Variants in TRABD2B observed in about 807,000 individuals in gnomAD.
TRABD2B encodes the protein metalloprotease TIKI2.
Under a neutral mutation model 40.1 loss-of-function variants are expected in TRABD2B, and 14 were observed. That is an observed-to-expected ratio of 0.35 (90% confidence interval 0.23 to 0.55). The LOEUF (loss-of-function observed/expected upper bound fraction) is 0.55. TRABD2B is among the 20% of genes least tolerant of loss of function. The pLI is 0.90. For synonymous variants in TRABD2B, 263 were observed against 277.0 expected (o/e 0.95, Z 0.50); for missense variants, 541 against 648.6 (o/e 0.83, Z 1.80).
chr1:47,885,546 G>T (rs1456720063), intron 2 of TRABD2B, among the ~76,000 whole-genome samples: 1 of 152,276 alleles, frequency 6.6e-6, no homozygotes, highest in Non-Finnish European at 1.5e-5. Context: ...GTCCTCTGTT[G>T]GTGGCAGGGG....
chr1:47,798,572 A>G (rs1373306540), intron 3 of TRABD2B, among the ~76,000 whole-genome samples: 1 of 152,104 alleles, frequency 6.6e-6, no homozygotes, highest in East Asian at 1.9e-4. Context: ...AGTGTTATCC[A>G]CCCAGGCCTG....
Position 47,996,898 on chromosome 1 carries a change from C to G in TRABD2B, c.-109G>C. The G allele has an allele frequency of 8.9e-7, 1 of 1,127,604 alleles. No individual in the cohort carries two copies. The highest frequency in any genetic ancestry group is 1.1e-6 in the Non-Finnish European group (1 of 922,048). 69.8% of individuals were successfully genotyped at this position (1,127,604 alleles called of 1,614,324 possible). On this transcript the variant is annotated 5_prime_UTR_variant, in exon 1 of 7. Transcript: ENST00000606738. The surrounding 1 kb of genome is among the most constrained non-coding windows in gnomAD (Gnocchi z 4.6). Reference sequence around the variant, plus strand: ...TTCCTCTGGAGCACGGGGCTCCAGCCGCAGGATGCTGGGCGCCCTCTGGGG... The same window carrying G: ...TTCCTCTGGAGCACGGGGCTCCAGCGGCAGGATGCTGGGCGCCCTCTGGGG...
At position 47,997,021 on chromosome 1, in the gene TRABD2B, G is replaced by A. The variant is rs1646103427; in HGVS notation, c.-232C>T. On this transcript the variant is annotated 5_prime_UTR_variant, in exon 1 of 7. Coordinates refer to ENST00000606738, the MANE Select transcript of TRABD2B (RefSeq NM_001194986.2). ...CTCTAGGGCTGGGCCCCTCCCCCGGGCGCTCAACCTCGCTGGCCGAGCCCC... is the reference window on the plus strand; with the variant it reads ...CTCTAGGGCTGGGCCCCTCCCCCGGACGCTCAACCTCGCTGGCCGAGCCCC... The A allele has an allele frequency of 9.3e-7, 1 of 1,074,060 alleles. No individual in the cohort carries two copies. Among genetic ancestry groups the A allele is most frequent in the Admixed American group, 5.3e-5 (1 of 18,782 alleles). 66.5% of individuals were successfully genotyped at this position (1,074,060 alleles called of 1,614,324 possible).
At chr1:47,884,617 T>G (rs1013769548) in intron 2 of TRABD2B, among the ~76,000 whole-genome samples, 1 of 152,124 alleles carries the variant, frequency 6.6e-6, no homozygotes, top group Non-Finnish European at 1.5e-5. Context: ...TTTATTTATT[T>G]TATTTTTATT....
intron 2 of TRABD2B, among the ~76,000 whole-genome samples, chr1:47,841,566 C>G (rs970483265): frequency 6.6e-6 from 1 of 152,160 alleles, no homozygotes; most frequent in Non-Finnish European, 1.5e-5. Flanking sequence ...TGGGGAGTTA[C>G]ACTGCCGAGG....
At chr1:47,822,170 A>AG (rs1645120296) in intron 2 of TRABD2B, among the ~76,000 whole-genome samples, 12 of 151,452 alleles carry the variant, frequency 7.9e-5, no homozygotes, top group Admixed American at 1.3e-4. Flanking sequence ...ACACACACAA[A>AG]CACACATACA....
rs758885728 is a variant in TRABD2B, at chr1:47,994,458, C to T, written c.242G>A (p.Arg81His). 52 of 1,536,048 alleles carry T rather than the reference C, an allele frequency of 3.4e-5. No homozygotes were observed. The Middle Eastern group carries it at 1.2e-3, about 34-fold the overall frequency. Residue 81 changes from arginine to histidine, a missense_variant, in exon 2 of 7, where the codon CGT (arginine) becomes CAT (histidine). Arg to His is a conservative substitution (Grantham distance 29, BLOSUM62 0). Coordinates refer to ENST00000606738, the MANE Select transcript of TRABD2B (RefSeq NM_001194986.2). This position sits in a 1 kb window ranked among gnomAD's most constrained non-coding sequence, Gnocchi z 6.7. ...TGTAAGGTCCAGCTCAAAGTAGACA[C>T]GGGTGCTAGCCTGGAAGGCTGCCTT... is the stretch of plus-strand genomic sequence containing the variant. Reference protein sequence around the residue: ...NSKAAFQASTRVYFELDLTDP... With the variant: ...NSKAAFQASTHVYFELDLTDP...
intron 2 of TRABD2B, among the ~76,000 whole-genome samples, chr1:47,879,887 C>T (rs751367483): frequency 6.6e-6 from 1 of 152,222 alleles, no homozygotes; most frequent in Non-Finnish European, 1.5e-5. Flanking sequence ...GAGGCCACCC[C>T]TGCCAGGCTG....
intron 2 of TRABD2B, among the ~76,000 whole-genome samples, chr1:47,857,286 T>G (rs1292941764): frequency 1.3e-5 from 2 of 152,164 alleles, no homozygotes; most frequent in African/African-American, 4.8e-5. Flanking sequence ...TCCCCCTTCC[T>G]GAAGCCACTC....
intron 2 of TRABD2B, among the ~76,000 whole-genome samples, chr1:47,971,040 T>C (rs982038439): frequency 6.6e-6 from 1 of 152,146 alleles, no homozygotes; most frequent in African/African-American, 2.4e-5. Context: ...AGTGAATATG[T>C]TTGAACAATA....
chr1:47,875,959 C>T (rs1273993868), intron 2 of TRABD2B, among the ~76,000 whole-genome samples: 1 of 152,182 alleles, frequency 6.6e-6, no homozygotes, highest in Non-Finnish European at 1.5e-5. Context: ...TGCATCAGCA[C>T]ATGATGTATA....
At position 47,961,798 on chromosome 1, in the gene TRABD2B, A is replaced by G. The variant is rs555113320; in HGVS notation, c.666+32236T>C. On this transcript the variant is annotated intron_variant, in intron 2 of 6. Coordinates refer to ENST00000606738, the MANE Select transcript of TRABD2B (RefSeq NM_001194986.2). ...AACTAGTTCAACCACTGTGAAAGACAGTGTGGAGACTCCTCAAGGATCTAG... is the reference window on the plus strand; with the variant it reads ...AACTAGTTCAACCACTGTGAAAGACGGTGTGGAGACTCCTCAAGGATCTAG... Among the ~76,000 whole-genome samples the G allele has an allele frequency of 5.1e-4, 77 of 152,386 alleles. 2 individuals are homozygous for G. Among genetic ancestry groups the G allele is most frequent in the African/African-American group, 1.8e-3 (73 of 41,598 alleles).
At chr1:47,816,501 A>C (rs1008882498) in intron 2 of TRABD2B, among the ~76,000 whole-genome samples, 1 of 151,962 alleles carries the variant, frequency 6.6e-6, no homozygotes, top group Non-Finnish European at 1.5e-5. Flanking sequence ...TTGAATGTGC[A>C]ATTTGTTTCC....
Position 47,938,935 on chromosome 1 carries a change from CAGACAGAGACAG to C in TRABD2B, c.666+55087_666+55098del, listed in dbSNP as rs5773976. On this transcript the variant is annotated intron_variant, in intron 2 of 6. Transcript: ENST00000606738. The stretch of plus-strand genomic sequence containing the variant: ...GAAAAGTAAGAGTGTGTGCATGAGA[CAGACAGAGACAG>C]AGACAGAGACAGAGAGGGGCAGACT... Among the ~76,000 whole-genome samples, 5 of 151,716 alleles carry C rather than the reference CAGACAGAGACAG, an allele frequency of 3.3e-5. No individual in the cohort carries two copies. The South Asian group carries it at 6.3e-4, about 19-fold the overall frequency.
At chr1:47,949,767 T>C (rs1645314821) in intron 2 of TRABD2B, among the ~76,000 whole-genome samples, 3 of 152,104 alleles carry the variant, frequency 2.0e-5, no homozygotes, top group African/African-American at 7.2e-5. Context: ...TCCCAGAAAC[T>C]TTCTAGAGAA....
At chr1:47,766,463 G>A (rs1019335989) in intron 6 of TRABD2B, among the ~76,000 whole-genome samples, 1 of 152,174 alleles carries the variant, frequency 6.6e-6, no homozygotes. Flanking sequence ...AGTCATCGAC[G>A]TACACAGGTG....
chr1:47,957,950 A>G (rs576081197), intron 2 of TRABD2B, among the ~76,000 whole-genome samples: 2 of 152,364 alleles, frequency 1.3e-5, no homozygotes, highest in South Asian at 4.1e-4. Flanking sequence ...TGTTAAGGGC[A>G]GCCAGAGAGA....
At chr1:47,814,481 G>A (rs1645004141) in intron 2 of TRABD2B, among the ~76,000 whole-genome samples, 1 of 152,212 alleles carries the variant, frequency 6.6e-6, no homozygotes, top group South Asian at 2.1e-4. Flanking sequence ...GGGCTTTGGG[G>A]AGGCATGGAG....
rs757843378 is a variant in TRABD2B at position 47,798,234 on chromosome 1, G to A, written c.813+3239C>T. ...AGGAGGCACCTAATAGGGTAACTAC[G>A]TGTCTTGGTTTGACCAGAACAGTCC... On this transcript the variant is annotated intron_variant, in intron 3 of 6. Transcript: ENST00000606738. Among the ~76,000 whole-genome samples, 7 of 152,216 alleles carry A rather than the reference G, an allele frequency of 4.6e-5. No homozygotes were observed. In the South Asian group the frequency reaches 8.3e-4, roughly 18 times the overall value.
Sources: gnomAD v4.1 joint callset for allele counts (sites outside exome capture counted in the v4.1 genomes callset) on GRCh38, gnomAD v4.1.1 for gene constraint, Gnocchi (gnomAD v3.1) non-coding constraint, MANE v1.5 for transcripts, NCBI Gene and HGNC (gene_info 2026-07-23, HGNC 2026-07-21) for gene names.